Variants in SCHIP1 observed in about 807,000 individuals in gnomAD.
The protein encoded by SCHIP1 is schwannomin-interacting protein 1.
SCHIP1 carries 8 observed loss-of-function variants against 29.7 expected under a neutral mutation model. That is an observed-to-expected ratio of 0.27 (90% confidence interval 0.16 to 0.49). The LOEUF (loss-of-function observed/expected upper bound fraction) is 0.49, where lower values mean the gene tolerates loss of function less well. Ranked by LOEUF, SCHIP1 falls within the 20% of genes least tolerant of loss-of-function variation. SCHIP1 has a pLI of 0.99. For missense variants in SCHIP1, 193 were observed against 294.6 expected, an observed-to-expected ratio of 0.66 and a Z score of 2.52; for synonymous variants, 76 against 94.9, an observed-to-expected ratio of 0.80 and a Z score of 1.16.
the SCHIP1 span, among the ~76,000 whole-genome samples, chr3:159,328,050 C>T: frequency 1.3e-5 from 2 of 152,140 alleles, no homozygotes; most frequent in Admixed American, 1.3e-4. Flanking sequence ...CTACTATGTC[C>T]CAGATCCTTT....
At chr3:159,550,699 C>G in the SCHIP1 span, among the ~76,000 whole-genome samples, 2 of 151,972 alleles carry the variant, frequency 1.3e-5, no homozygotes, top group African/African-American at 4.8e-5. Flanking sequence ...GATTGGCATA[C>G]TAAGGCAAAA....
At chr3:159,845,990 AAAAT>A (rs1334472142) in intron 1 of SCHIP1, 2 of 152,214 alleles carry the variant, frequency 1.3e-5, no homozygotes, top group African/African-American at 4.8e-5. Context: ...TGCAAGGCAC[AAAAT>A]AAATGAATGA....
chr3:159,582,070 T>A, the SCHIP1 span, among the ~76,000 whole-genome samples: 1 of 152,188 alleles, frequency 6.6e-6, no homozygotes, highest in Non-Finnish European at 1.5e-5. Context: ...TGAGTGTTAT[T>A]TGTGAAGTCA....
At chr3:159,510,769 G>C in the SCHIP1 span, among the ~76,000 whole-genome samples, 6 of 152,178 alleles carry the variant, frequency 3.9e-5, no homozygotes, top group Non-Finnish European at 7.3e-5. Flanking sequence ...AGCAGCAGAG[G>C]CTGCAGAACA....
chr3:159,316,731 G>C, the SCHIP1 span, among the ~76,000 whole-genome samples: 1 of 151,966 alleles, frequency 6.6e-6, no homozygotes, highest in African/African-American at 2.4e-5. Flanking sequence ...CCAAACCCAA[G>C]TACAATTACA....
At chr3:159,498,196 C>CTAT in the SCHIP1 span, among the ~76,000 whole-genome samples, 1 of 152,170 alleles carries the variant, frequency 6.6e-6, no homozygotes, top group Admixed American at 6.5e-5. Context: ...GCCAACAGCT[C>CTAT]TATTTCGTTA....
chr3:159,555,507 T>G, the SCHIP1 span, among the ~76,000 whole-genome samples: 1 of 152,222 alleles, frequency 6.6e-6, no homozygotes, highest in Non-Finnish European at 1.5e-5. Flanking sequence ...TAAATGTCAT[T>G]TGGTACAAAT....
chr3:159,537,097 C>T, the SCHIP1 span, among the ~76,000 whole-genome samples: 4 of 152,062 alleles, frequency 2.6e-5, no homozygotes, highest in Non-Finnish European at 5.9e-5. Context: ...TGCTCCTGTA[C>T]AAGCCAGAAA....
At chr3:159,638,031 A>G in the SCHIP1 span, among the ~76,000 whole-genome samples, 2 of 152,216 alleles carry the variant, frequency 1.3e-5, no homozygotes, top group Non-Finnish European at 2.9e-5. Context: ...TGGAAAATTG[A>G]AAAGCTAACA....
the SCHIP1 span, among the ~76,000 whole-genome samples, chr3:159,622,595 A>C: frequency 6.6e-6 from 1 of 152,166 alleles, no homozygotes; most frequent in South Asian, 2.1e-4. Flanking sequence ...GTTCCCCTTA[A>C]TAATACAAAT....
chr3:159,519,591 T>C, the SCHIP1 span, among the ~76,000 whole-genome samples: 1 of 152,186 alleles, frequency 6.6e-6, no homozygotes, highest in South Asian at 2.1e-4. Context: ...TCACTTTCAA[T>C]ACATAAAAAC....
chr3:159,731,802 C>G, the SCHIP1 span, among the ~76,000 whole-genome samples: 1 of 152,174 alleles, frequency 6.6e-6, no homozygotes, highest in Non-Finnish European at 1.5e-5. Flanking sequence ...GAGAATAAGT[C>G]CCACATAAAG....
At chr3:159,627,527 A>G in the SCHIP1 span, among the ~76,000 whole-genome samples, 1 of 152,194 alleles carries the variant, frequency 6.6e-6, no homozygotes, top group Admixed American at 6.5e-5. Context: ...GATGTAAAAT[A>G]ATTGCCCAAG....
the SCHIP1 span, among the ~76,000 whole-genome samples, chr3:159,359,867 T>C: frequency 6.6e-5 from 10 of 152,228 alleles, 1 homozygote; most frequent in Middle Eastern, 3.2e-3. Flanking sequence ...GCAAGTCTTA[T>C]GAAGAGAAAG....
the SCHIP1 span, among the ~76,000 whole-genome samples, chr3:159,797,655 C>G: frequency 6.6e-6 from 1 of 151,898 alleles, no homozygotes; most frequent in East Asian, 1.9e-4. Flanking sequence ...TCACTGCAAG[C>G]TCTGCCTCCC....
rs201786238 is a variant in SCHIP1 at position 159,891,366 on chromosome 3, G to T, written c.590-731G>T. ...AGCCTGGGCGGCAGAGTGAGATTCC[G>T]TTTCAAAAAAAGAAAAAGGAAGGAA... On this transcript the variant is annotated intron_variant, in intron 5 of 6. Coordinates refer to ENST00000445224, the Ensembl canonical transcript of SCHIP1. Among the ~76,000 whole-genome samples the T allele has an allele frequency of 3.3e-5, 5 of 149,484 alleles. No individual in the cohort carries two copies. The East Asian group carries it at 1.0e-3, about 31-fold the overall frequency.
exon 1 of SCHIP1, chr3:159,839,925 C>G (rs766619866): frequency 3.6e-5 from 51 of 1,404,092 alleles, no homozygotes; most frequent in Non-Finnish European, 4.5e-5. Flanking sequence ...TCCCCCAGCC[C>G]GGTCCCAGCT....
chr3:159,482,217 C>T, the SCHIP1 span, among the ~76,000 whole-genome samples: 1 of 152,136 alleles, frequency 6.6e-6, no homozygotes, highest in Non-Finnish European at 1.5e-5. Context: ...TATTGCCCCT[C>T]CAATGCTAAG....
the SCHIP1 span, among the ~76,000 whole-genome samples, chr3:159,285,678 A>T: frequency 3.5e-4 from 53 of 152,248 alleles, no homozygotes; most frequent in African/African-American, 1.2e-3. Context: ...TTCTGTTGGT[A>T]GTTAATTACA....
Sources: allele counts gnomAD v4.1 joint callset (sites outside exome capture counted in the v4.1 genomes callset), GRCh38; gene constraint gnomAD v4.1.1; transcripts MANE v1.5; gene names NCBI Gene and HGNC (gene_info 2026-07-23, HGNC 2026-07-21).